The following EDDM3A variants were observed in gnomAD, a reference collection of about 807,000 sequenced individuals.
The protein encoded by EDDM3A is epididymal protein 3A.
For synonymous variants in EDDM3A, 75 were observed against 60.4 expected, an observed-to-expected ratio of 1.24 and a Z score of -1.12; for missense variants, 199 against 177.4, an observed-to-expected ratio of 1.12 and a Z score of -0.69.
upstream of EDDM3A, among the ~76,000 whole-genome samples, chr14:20,743,675 G>A (rs546901698): frequency 5.3e-5 from 8 of 152,194 alleles, no homozygotes; most frequent in Non-Finnish European, 8.8e-5. Context: ...CTTAAAAACC[G>A]AAATCAAAAG....
At chr14:20,739,860 C>T in the EDDM3A span, among the ~76,000 whole-genome samples, 1 of 152,200 alleles carries the variant, frequency 6.6e-6, no homozygotes. Flanking sequence ...ACCTGCTCCC[C>T]CATTGTTCCT....
At chr14:20,737,401 C>T in the EDDM3A span, among the ~76,000 whole-genome samples, 1 of 151,988 alleles carries the variant, frequency 6.6e-6, no homozygotes, top group Non-Finnish European at 1.5e-5. Context: ...CTGGGGACCT[C>T]GTACATGCCA....
At chr14:20,737,223 T>C in the EDDM3A span, among the ~76,000 whole-genome samples, 884 of 151,988 alleles carry the variant, frequency 5.8e-3, 11 homozygotes, top group African/African-American at 0.02. Flanking sequence ...CCCACTAATT[T>C]TTTTGTATTT....
upstream of EDDM3A, among the ~76,000 whole-genome samples, chr14:20,745,684 G>A (rs113411573): frequency 6.6e-6 from 1 of 152,258 alleles, no homozygotes; most frequent in African/African-American, 2.4e-5. Flanking sequence ...GTCACCTAGG[G>A]TCTTGCAATC....
chr14:20,747,928 GAGCAGA>G lies in EDDM3A; in HGVS notation c.352_357del (p.Arg118_Ser119del), dbSNP rs1251908794. ...AGAAGTACAACAATAGGTACACAGA[GAGCAGA>G]AGCTTCAGCTACATTGAATTCCATT... On this transcript the variant is annotated inframe_deletion, in exon 2 of 2. Coordinates refer to ENST00000326842, the MANE Select transcript of EDDM3A (RefSeq NM_006683.5). 13 of 1,614,158 alleles carry G rather than the reference GAGCAGA, an allele frequency of 8.1e-6. No homozygotes were observed. The highest frequency in any genetic ancestry group is 1.1e-5 in the Non-Finnish European group (13 of 1,180,020).
the EDDM3A span, among the ~76,000 whole-genome samples, chr14:20,740,838 T>C: frequency 7.1e-6 from 1 of 139,984 alleles, no homozygotes; most frequent in African/African-American, 3.3e-5. Context: ...GATGCAGGAA[T>C]GGCCTCCTCT....
At position 20,747,646 on chromosome 14, in the gene EDDM3A, T is replaced by C. The variant is rs139377155; in HGVS notation, c.66T>C (p.Cys22=). ...LALLCILCRL[C]VYSNNIYWRE... is the part of the protein sequence containing the mutation. ...TGCTTTGCATCCTTTGCAGGCTGTG[T>C]GTATACAGTAACAACATTTACTGGA... is the stretch of plus-strand genomic sequence containing the variant. The change falls in exon 2 of 2, where the codon TGT becomes TGC. Residue 22 remains cysteine (C), a synonymous_variant. Coordinates refer to ENST00000326842, the MANE Select transcript of EDDM3A (RefSeq NM_006683.5). 256 of 1,614,018 alleles carry C rather than the reference T, an allele frequency of 1.6e-4. No homozygotes were observed. Among genetic ancestry groups the C allele is most frequent in the Non-Finnish European group, 2.1e-4 (249 of 1,180,026 alleles).
upstream of EDDM3A, among the ~76,000 whole-genome samples, chr14:20,745,626 C>T (rs185572897): frequency 1.2e-4 from 19 of 152,210 alleles, no homozygotes; most frequent in East Asian, 2.5e-3. Context: ...GAGAGCAGAG[C>T]TAAGTCTCTG....
chr14:20,738,141 A>C, the EDDM3A span, among the ~76,000 whole-genome samples: 1 of 152,170 alleles, frequency 6.6e-6, no homozygotes, highest in Non-Finnish European at 1.5e-5. Flanking sequence ...CCTGGGGATG[A>C]CAATCTCTAC....
upstream of EDDM3A, among the ~76,000 whole-genome samples, chr14:20,743,833 C>T (rs971397822): frequency 6.6e-6 from 1 of 152,128 alleles, no homozygotes; most frequent in Non-Finnish European, 1.5e-5. Flanking sequence ...ATATGCTTTT[C>T]CCCAGTTTAG....
At chr14:20,738,470 A>AAAT in the EDDM3A span, among the ~76,000 whole-genome samples, 446 of 143,382 alleles carry the variant, frequency 3.1e-3, 4 homozygotes, top group African/African-American at 4.0e-3. Context: ...ACTCTGTCTC[A>AAAT]AAATAAATAA....
At chr14:20,744,697 A>T (rs745864265), upstream of EDDM3A, among the ~76,000 whole-genome samples, 37 of 152,214 alleles carry the variant, frequency 2.4e-4, no homozygotes, top group Non-Finnish European at 4.9e-4. Context: ...TGTGACCTAT[A>T]CTTCACAGTC....
the EDDM3A span, among the ~76,000 whole-genome samples, chr14:20,736,131 A>C: frequency 6.8e-6 from 1 of 146,504 alleles, no homozygotes; most frequent in Non-Finnish European, 1.5e-5. Context: ...TTTCTTTGAG[A>C]CAGAGTCTCA....
chr14:20,747,690 AT>A lies in EDDM3A; in HGVS notation c.112del (p.Tyr38ThrfsTer2), dbSNP rs1280987722. The A allele has an allele frequency of 1.2e-6, 2 of 1,614,170 alleles. No homozygotes were observed. Among genetic ancestry groups the A allele is most frequent in the South Asian group, 2.2e-5 (2 of 91,082 alleles). ...TACTGGAGAGAATTCATAAAACTTCATTACTTAAGTCCAAGTCGAGAATTCA... is the reference window on the plus strand; with the variant it reads ...TACTGGAGAGAATTCATAAAACTTCATACTTAAGTCCAAGTCGAGAATTCA... Reference protein sequence around the residue: ...NIYWREFIKLHYLSPSREFKE... With the variant: ...NIYWREFIKLXYLSPSREFKE... On this transcript the variant is annotated frameshift_variant, in exon 2 of 2. Coordinates refer to ENST00000326842, the MANE Select transcript of EDDM3A (RefSeq NM_006683.5). LOFTEE classifies it low-confidence loss of function (END_TRUNC).
Position 20,747,735 on chromosome 14 carries a change from T to C in EDDM3A, c.155T>C (p.Val52Ala), listed in dbSNP as rs1417870010. 1.9e-6 allele frequency: 3 copies of C among 1,614,194 alleles called. No homozygotes were observed. In the East Asian group the frequency reaches 6.7e-5, roughly 36 times the overall value. ...GAATTCAAAGAGTACAAATGTGATG[T>C]CCTCATGAGAGAAAAAGAGGCTCTG... Reference protein sequence around the residue: ...SREFKEYKCDVLMREKEALKG... With the variant: ...SREFKEYKCDALMREKEALKG... The change falls in exon 2 of 2, where the codon GTC becomes GCC. Residue 52 changes from valine (V) to alanine (A), a missense_variant. Val to Ala is a moderately conservative substitution (Grantham distance 64). Transcript: ENST00000326842.
upstream of EDDM3A, among the ~76,000 whole-genome samples, chr14:20,742,878 T>C (rs1212504166): frequency 1.3e-5 from 2 of 152,046 alleles, no homozygotes; most frequent in Non-Finnish European, 2.9e-5. Flanking sequence ...ACTACAGGCA[T>C]GTGCCACCAC....
the EDDM3A span, among the ~76,000 whole-genome samples, chr14:20,740,274 G>A: frequency 2.6e-5 from 4 of 152,230 alleles, no homozygotes; most frequent in East Asian, 7.7e-4. Context: ...TTAGTGGAGA[G>A]CTAGCCTGGA....
At chr14:20,745,070 C>T (rs146123387), upstream of EDDM3A, among the ~76,000 whole-genome samples, 1 of 152,008 alleles carries the variant, frequency 6.6e-6, no homozygotes, top group East Asian at 1.9e-4. Flanking sequence ...AAAATTAATA[C>T]AAAAAACTAG....
chr14:20,740,859 G>A, the EDDM3A span, among the ~76,000 whole-genome samples: 20 of 139,698 alleles, frequency 1.4e-4, no homozygotes, highest in Non-Finnish European at 2.9e-5. Flanking sequence ...TCTCACACCT[G>A]TCAGAGGACC....
Sources: allele counts gnomAD v4.1 joint callset (sites outside exome capture counted in the v4.1 genomes callset), GRCh38; gene constraint gnomAD v4.1.1; transcripts MANE v1.5; gene names NCBI Gene and HGNC (gene_info 2026-07-23, HGNC 2026-07-21).